Variants in DLGAP1 observed in about 807,000 individuals in gnomAD.
DLGAP1 encodes the protein disks large-associated protein 1.
Under a neutral mutation model 90.8 loss-of-function variants are expected in DLGAP1, and 11 were observed. That is an observed-to-expected ratio of 0.12 (90% CI 0.08 to 0.20). The LOEUF (loss-of-function observed/expected upper bound fraction) is 0.20, where lower values mean the gene tolerates loss of function less well. Ranked by LOEUF, DLGAP1 falls within the 10% of genes least tolerant of loss-of-function variation. DLGAP1 has a pLI of 1.00. For missense variants in DLGAP1, 1,050 were observed against 1,333.8 expected, an observed-to-expected ratio of 0.79 and a Z score of 3.31; for synonymous variants, 558 against 540.7, an observed-to-expected ratio of 1.03 and a Z score of -0.44.
chr18:4,424,746 T>C (rs1161643316), intron 1 of DLGAP1, among the ~76,000 whole-genome samples: 1 of 152,254 alleles, frequency 6.6e-6, no homozygotes, highest in African/African-American at 2.4e-5. Context: ...AAGTACTTAT[T>C]TCTTAGTCAT....
At position 4,274,787 on chromosome 18, in the gene DLGAP1, G is replaced by A. The variant is rs79833090; in HGVS notation, c.-266-123500C>T. 9.2e-3 allele frequency among the ~76,000 whole-genome samples: 1,396 copies of A among 152,174 alleles called. 27 individuals are homozygous for A. Among genetic ancestry groups the A allele is most frequent in the African/African-American group, 0.032 (1,344 of 41,520 alleles). On this transcript the variant is annotated intron_variant, in intron 1 of 12. Transcript: ENST00000315677. ...AAGAAGTAGAAATGATGTTTATTTT[G>A]TCATAAATGAACACACTAAACCATT...
intron 1 of DLGAP1, among the ~76,000 whole-genome samples, chr18:4,424,124 C>G (rs777113827): frequency 7.9e-5 from 12 of 152,090 alleles, no homozygotes; most frequent in Non-Finnish European, 1.6e-4. Context: ...GCACTTTAGC[C>G]TGGGCAACAG....
At chr18:3,847,972 TA>T (rs1264373704) in intron 4 of DLGAP1, among the ~76,000 whole-genome samples, 2 of 150,088 alleles carry the variant, frequency 1.3e-5, no homozygotes, top group African/African-American at 2.4e-5. Context: ...CTACAGAAAA[TA>T]AAAAAATTAA....
intron 3 of DLGAP1, among the ~76,000 whole-genome samples, chr18:3,998,555 C>G (rs1389413301): frequency 6.6e-6 from 1 of 152,098 alleles, no homozygotes. Flanking sequence ...AGAACATTAT[C>G]TGTGTGTGAA....
intron 1 of DLGAP1, among the ~76,000 whole-genome samples, chr18:4,230,207 A>G (rs1226196576): frequency 2.0e-5 from 3 of 152,174 alleles, no homozygotes; most frequent in Non-Finnish European, 4.4e-5. Flanking sequence ...TACAACCACA[A>G]TGGAAAACAG....
At chr18:4,394,688 G>A (rs1567886851) in intron 1 of DLGAP1, among the ~76,000 whole-genome samples, 1 of 152,192 alleles carries the variant, frequency 6.6e-6, no homozygotes, top group Non-Finnish European at 1.5e-5. Context: ...TCCTATGCCA[G>A]TGTATCAGAT....
chr18:4,063,027 G>A (rs1020280388), intron 2 of DLGAP1, among the ~76,000 whole-genome samples: 2 of 151,998 alleles, frequency 1.3e-5, no homozygotes, highest in Admixed American at 6.6e-5. Flanking sequence ...TCATCCAGGT[G>A]TATTAATGCT....
chr18:4,010,984 C>T (rs1004765112), intron 2 of DLGAP1, among the ~76,000 whole-genome samples: 3 of 151,216 alleles, frequency 2.0e-5, no homozygotes, highest in Admixed American at 1.3e-4. Flanking sequence ...GAGACCAGCC[C>T]GACTAACATG....
At chr18:4,385,347 T>G (rs1292205212) in intron 1 of DLGAP1, among the ~76,000 whole-genome samples, 2 of 152,214 alleles carry the variant, frequency 1.3e-5, no homozygotes, top group African/African-American at 2.4e-5. Context: ...ACAACCTGTA[T>G]GTTCAGGAAA....
intron 1 of DLGAP1, among the ~76,000 whole-genome samples, chr18:4,233,107 C>A (rs1436578746): frequency 2.0e-5 from 3 of 152,174 alleles, no homozygotes; most frequent in Non-Finnish European, 4.4e-5. Flanking sequence ...TTTCATCCAT[C>A]TTCCCCTCAT....
chr18:3,518,624 A>G (rs2050986659), intron 10 of DLGAP1, among the ~76,000 whole-genome samples: 1 of 152,174 alleles, frequency 6.6e-6, no homozygotes, highest in Admixed American at 6.5e-5. Flanking sequence ...TGGGGTCAGG[A>G]ACAATCAGCT....
intron 2 of DLGAP1, among the ~76,000 whole-genome samples, chr18:4,103,899 T>C (rs2075819560): frequency 6.6e-6 from 1 of 152,180 alleles, no homozygotes; most frequent in Admixed American, 6.5e-5. Flanking sequence ...AAATGGCACT[T>C]TGTCCACATT....
intron 10 of DLGAP1, among the ~76,000 whole-genome samples, chr18:3,509,138 A>G (rs2050396297): frequency 6.6e-6 from 1 of 152,038 alleles, no homozygotes; most frequent in Non-Finnish European, 1.5e-5. Flanking sequence ...TAGAGGGGGA[A>G]TCTCTTGGCA....
chr18:3,829,891 G>C (rs990789895), intron 4 of DLGAP1, among the ~76,000 whole-genome samples: 13 of 152,196 alleles, frequency 8.5e-5, no homozygotes, highest in African/African-American at 3.1e-4. Flanking sequence ...ATATAGACAG[G>C]AATTCGGGTG....
intron 4 of DLGAP1, among the ~76,000 whole-genome samples, chr18:3,832,587 T>C (rs1456081448): frequency 2.0e-5 from 3 of 152,144 alleles, no homozygotes; most frequent in South Asian, 2.1e-4. Context: ...AAAGGAATCA[T>C]GTTATTTTTC....
intron 4 of DLGAP1, among the ~76,000 whole-genome samples, chr18:3,850,143 G>A (rs1869492871): frequency 6.6e-6 from 1 of 151,878 alleles, no homozygotes; most frequent in African/African-American, 2.4e-5. Flanking sequence ...GAGGTGGGCG[G>A]ATCACTTCAA....
intron 4 of DLGAP1, among the ~76,000 whole-genome samples, chr18:3,835,871 C>T (rs772009120): frequency 2.0e-5 from 3 of 152,168 alleles, no homozygotes; most frequent in South Asian, 2.1e-4. Flanking sequence ...AGTGCCTCCC[C>T]GCCATCGCCA....
chr18:3,996,682 T>C (rs1478776301), intron 3 of DLGAP1, among the ~76,000 whole-genome samples: 1 of 152,038 alleles, frequency 6.6e-6, no homozygotes, highest in African/African-American at 2.4e-5. Flanking sequence ...TAAAAAAGGC[T>C]AATAGTATAG....
chr18:3,699,433 C>G (rs1403203190), intron 7 of DLGAP1, among the ~76,000 whole-genome samples: 1 of 152,102 alleles, frequency 6.6e-6, no homozygotes, highest in Non-Finnish European at 1.5e-5. Flanking sequence ...TCTGGAGGTC[C>G]GCTCCAGATC....
Sources: allele counts gnomAD v4.1 joint callset (sites outside exome capture counted in the v4.1 genomes callset), GRCh38; gene constraint gnomAD v4.1.1; transcripts MANE v1.5; gene names NCBI Gene and HGNC (gene_info 2026-07-23, HGNC 2026-07-21).